MSANTD7: variants seen among roughly 807,000 people sequenced by gnomAD.
MSANTD7 encodes the protein zinc finger and SCAN domain containing 29.
At chr10:14,843,155 C>T in the MSANTD7 span, among the ~76,000 whole-genome samples, 1 of 152,220 alleles carries the variant, frequency 6.6e-6, no homozygotes, top group African/African-American at 2.4e-5. Flanking sequence ...TAGCTATGTA[C>T]AAAGGGGTTC....
chr10:14,838,326 A>G, the MSANTD7 span: 2 of 1,430,514 alleles, frequency 1.4e-6, no homozygotes, highest in Non-Finnish European at 9.6e-7. Context: ...GCGGTGCCTG[A>G]TGGGGCCGTT....
the MSANTD7 span, chr10:14,846,941 C>T: frequency 2.0e-6 from 2 of 985,244 alleles, no homozygotes; most frequent in Non-Finnish European, 2.4e-6. Context: ...CTTCTCACCA[C>T]CTTTGTTTTT....
chr10:14,843,697 C>G, the MSANTD7 span: 1 of 1,541,358 alleles, frequency 6.5e-7, no homozygotes, highest in Non-Finnish European at 8.7e-7. Flanking sequence ...ACTCTCAAAG[C>G]GGGAGGAAGA....
At chr10:14,846,270 TTGACGGAGAGTTAGGCCTGTATTCTA>T in the MSANTD7 span, 1 of 985,424 alleles carries the variant, frequency 1.0e-6, no homozygotes, top group Non-Finnish European at 1.2e-6. Flanking sequence ...ACAGAAGTAC[TTGACGGAGAGTTAGGCCTGTATTCTA>T]TAAATCTATT....
the MSANTD7 span, chr10:14,838,409 G>A: frequency 6.2e-7 from 1 of 1,604,616 alleles, no homozygotes; most frequent in Non-Finnish European, 8.5e-7. Flanking sequence ...CCTCATGGCG[G>A]CCATCGGAGT....
chr10:14,845,672 C>A, the MSANTD7 span: 1 of 310,296 alleles, frequency 3.2e-6, no homozygotes, highest in Non-Finnish European at 4.7e-6. Context: ...TGGCTCACTG[C>A]AACCTCAGCC....
the MSANTD7 span, among the ~76,000 whole-genome samples, chr10:14,839,694 T>C: frequency 6.6e-6 from 1 of 152,244 alleles, no homozygotes; most frequent in African/African-American, 2.4e-5. Context: ...TTGTTGACTT[T>C]GCAGAGCAGA....
chr10:14,840,144 A>C, the MSANTD7 span: 1 of 1,451,888 alleles, frequency 6.9e-7, no homozygotes, highest in Non-Finnish European at 9.2e-7. Context: ...AGTAAAGCAG[A>C]TCCTGGGCAG....
the MSANTD7 span, chr10:14,845,337 G>A: frequency 2.0e-6 from 2 of 985,376 alleles, no homozygotes; most frequent in Non-Finnish European, 2.4e-6. Flanking sequence ...TGTTGGGGGA[G>A]GTTTTATTTT....
the MSANTD7 span, chr10:14,843,916 G>C: frequency 3.9e-6 from 6 of 1,535,460 alleles, no homozygotes; most frequent in South Asian, 6.0e-5. Flanking sequence ...AAAAGGCTCT[G>C]CTTCCTAAAC....
chr10:14,843,237 C>A, the MSANTD7 span: 2 of 1,104,158 alleles, frequency 1.8e-6, no homozygotes, highest in African/African-American at 3.1e-5. Flanking sequence ...GAAATGGATT[C>A]TTCCCAGTCC....
chr10:14,845,386 AT>A, the MSANTD7 span: 1 of 985,380 alleles, frequency 1.0e-6, no homozygotes, highest in East Asian at 1.1e-4. Flanking sequence ...AATGCTGGAA[AT>A]GGACATAGGT....
At chr10:14,839,407 C>G in the MSANTD7 span, among the ~76,000 whole-genome samples, 6 of 151,952 alleles carry the variant, frequency 3.9e-5, no homozygotes, top group Non-Finnish European at 8.8e-5. Flanking sequence ...AACCCCGCCT[C>G]TACTAAAAAT....
chr10:14,842,660 G>T, the MSANTD7 span: 2 of 1,536,260 alleles, frequency 1.3e-6, no homozygotes, highest in African/African-American at 2.7e-5. This position sits in a 1 kb window ranked among gnomAD's most constrained non-coding sequence, Gnocchi z 5.2. Flanking sequence ...TCAGAACTTA[G>T]TGGCCTCTGA....
chr10:14,842,239 G>A, the MSANTD7 span: 1 of 1,535,646 alleles, frequency 6.5e-7, no homozygotes, highest in East Asian at 2.4e-5. This position sits in a 1 kb window ranked among gnomAD's most constrained non-coding sequence, Gnocchi z 5.2. Flanking sequence ...CTTCAGACTT[G>A]CACCTTGCTG....
the MSANTD7 span, chr10:14,842,433 T>G: frequency 1.3e-6 from 2 of 1,536,186 alleles, no homozygotes; most frequent in Non-Finnish European, 1.7e-6. The surrounding 1 kb of genome is among the most constrained non-coding windows in gnomAD (Gnocchi z 5.2). Context: ...TCTAAGCGAA[T>G]GCAGCAGGAG....
At chr10:14,839,781 G>T in the MSANTD7 span, 2 of 542,424 alleles carry the variant, frequency 3.7e-6, no homozygotes, top group Non-Finnish European at 6.6e-6. Flanking sequence ...AATTAAATTT[G>T]CAAGTTTAAA....
the MSANTD7 span, chr10:14,845,993 G>A: frequency 5.4e-6 from 5 of 934,576 alleles, no homozygotes; most frequent in Non-Finnish European, 6.4e-6. Flanking sequence ...AATTTTAATT[G>A]TAATATTTTC....
chr10:14,838,326 A>T, the MSANTD7 span: 1 of 1,430,514 alleles, frequency 7.0e-7, no homozygotes, highest in Non-Finnish European at 9.6e-7. Flanking sequence ...GCGGTGCCTG[A>T]TGGGGCCGTT....
Sources: allele counts gnomAD v4.1 joint callset (sites outside exome capture counted in the v4.1 genomes callset), GRCh38; gene constraint gnomAD v4.1.1; non-coding constraint Gnocchi (gnomAD v3.1); transcripts MANE v1.5; gene names NCBI Gene and HGNC (gene_info 2026-07-23, HGNC 2026-07-21).